The following MEGF8 variants were observed in gnomAD, a reference collection of about 807,000 sequenced individuals.
MEGF8 encodes multiple EGF like domains 8, also known as multiple epidermal growth factor-like domains protein 8.
Under a neutral mutation model 302.9 loss-of-function variants are expected in MEGF8, and 156 were observed. The ratio of observed to expected loss-of-function variants is 0.52; its 90% CI spans 0.45 to 0.59. The LOEUF (loss-of-function observed/expected upper bound fraction) is 0.59, where lower values mean the gene tolerates loss of function less well. Ranked by LOEUF, MEGF8 falls within the 20% of genes least tolerant of loss-of-function variation. The pLI is 0.00. For synonymous variants in MEGF8, 1,621 were observed against 1,660.5 expected (o/e 0.98, Z 0.58); for missense variants, 3,345 against 3,964.5 (o/e 0.84, Z 4.20).
intron 35 of MEGF8, among the ~76,000 whole-genome samples, chr19:42,366,264 G>A (rs950723647): frequency 2.0e-5 from 3 of 152,098 alleles, no homozygotes; most frequent in African/African-American, 7.2e-5. Context: ...GCAGTGGCAT[G>A]ATCTCGGCTC....
At position 42,354,442 on chromosome 19, in the gene MEGF8, A is replaced by T; in HGVS notation, c.4012-146A>T. The stretch of plus-strand genomic sequence containing the variant: ...GGAAGGGGAGTGGTGGCCTTATGCC[A>T]TAGTTTGACAGTCTCCCCTGGATGT... On this transcript the variant is annotated intron_variant, in intron 22 of 41. Transcript: ENST00000251268. The surrounding 1 kb of genome is among the most constrained non-coding windows in gnomAD (Gnocchi z 4.3). 1.1e-6 allele frequency: 1 copy of T among 948,522 alleles called. No homozygotes were observed. The highest frequency in any genetic ancestry group is 1.6e-5 in the South Asian group (1 of 63,162). The allele number at this position is 948,522 out of a possible 1,614,324, so 58.8% of individuals were successfully genotyped here. A position where few individuals can be genotyped will look rare whatever the true frequency, so the allele number is the denominator to read the frequency against.
rs544202578 is a variant in MEGF8, at chr19:42,349,568, C to T, written c.2368C>T (p.Arg790Cys). Residue 790 changes from arginine (R) to cysteine (C), a missense_variant, in exon 14 of 42, where the codon CGC becomes TGC. Transcript: ENST00000251268. ...GCGGCTGCAGCGCCCTGGGTCTGCT[C>T]GCCTCTTCCCTCTGCCTGGGCGGGA... Reference protein sequence around the residue: ...TRRLQRPGSARLFPLPGRDHK... With the variant: ...TRRLQRPGSACLFPLPGRDHK... 2.3e-5 allele frequency: 37 copies of T among 1,611,910 alleles called. No individual in the cohort carries two copies. The highest frequency in any genetic ancestry group is 1.4e-4 in the South Asian group (13 of 91,080).
At position 42,370,222 on chromosome 19, in the gene MEGF8, G is replaced by T; in HGVS notation, c.6868G>T (p.Val2290Leu). 1 of 1,613,734 alleles carries T rather than the reference G, an allele frequency of 6.2e-7. No homozygotes were observed. Among genetic ancestry groups the T allele is most frequent in the African/African-American group, 1.3e-5 (1 of 75,042 alleles). Reference protein sequence around the residue: ...SHCEQCLPLFVGSAVGGGTCR... With the variant: ...SHCEQCLPLFLGSAVGGGTCR... ...CTGTGAGCAGTGCCTCCCGCTGTTTGTGGGTTCAGCTGTCGGAGGCGGGAC... is the reference window on the plus strand; with the variant it reads ...CTGTGAGCAGTGCCTCCCGCTGTTTTTGGGTTCAGCTGTCGGAGGCGGGAC... Residue 2290 changes from valine (V) to leucine (L), a missense_variant, in exon 39 of 42, where the codon GTG (valine) becomes TTG (leucine). Physicochemically the swap from Val to Leu is conservative, Grantham distance 32. Transcript: ENST00000251268.
rs2039677218 is a variant in MEGF8, at chr19:42,370,842, CCGGGGGGGGGGGGGGGGGGG to C, written c.7136+12_7136+31del. On this transcript the variant is annotated intron_variant, in intron 40 of 41. Transcript: ENST00000251268. ...CGGGAAGTGCACCAAGTAAGAGGAA[CCGGGGGGGGGGGGGGGGGGG>C]GGGGGGGGGGAGGCCGGGGATCCCA... The C allele has an allele frequency of 6.7e-5, 8 of 119,570 alleles. No homozygotes were observed. Among genetic ancestry groups the C allele is most frequent in the African/African-American group, 3.2e-4 (2 of 6,238 alleles). The allele number at this position is 119,570 out of a possible 1,614,324, so 7.4% of individuals were successfully genotyped here. A position where few individuals can be genotyped will look rare whatever the true frequency, so the allele number is the denominator to read the frequency against.
At chr19:42,345,339 A>G (rs1051701807) in intron 12 of MEGF8, among the ~76,000 whole-genome samples, 4 of 152,244 alleles carry the variant, frequency 2.6e-5, no homozygotes, top group Admixed American at 1.3e-4. Context: ...CATCAGTGAC[A>G]TTTAGCACAT....
chr19:42,337,217 C>T lies in MEGF8; in HGVS notation c.1513+11C>T. 1.2e-6 allele frequency: 2 copies of T among 1,613,124 alleles called. No individual in the cohort carries two copies. The highest frequency in any genetic ancestry group is 1.1e-5 in the South Asian group (1 of 91,038). The stretch of plus-strand genomic sequence containing the variant: ...CAGGAACCCCTGAGGGTGAGTGGTC[C>T]CTGTTCTTCCCTAGGGGCTCCTGAG... On this transcript the variant is annotated intron_variant, in intron 8 of 41. Transcript: ENST00000251268.
In MEGF8 at chr19:42,376,582, C is replaced by T; in HGVS notation, c.8345C>T (p.Thr2782Ile). ...PTEDGMAGVA[T>I]LLLQLPGGPH... ...GAAGATGGCATGGCTGGCGTGGCCACACTGCTGCTCCAGCTGCCTGGCGGG... is the reference window on the plus strand; with the variant it reads ...GAAGATGGCATGGCTGGCGTGGCCATACTGCTGCTCCAGCTGCCTGGCGGG... The change falls in exon 42 of 42, where the codon ACA becomes ATA. Residue 2782 changes from threonine (T) to isoleucine (I), a missense_variant. Thr to Ile is a moderately conservative substitution (Grantham distance 89, BLOSUM62 -1). Coordinates refer to ENST00000251268, the MANE Select transcript of MEGF8 (RefSeq NM_001271938.2). The surrounding 1 kb of genome is among the most constrained non-coding windows in gnomAD (Gnocchi z 8.2). 1 of 1,551,216 alleles carries T rather than the reference C, an allele frequency of 6.4e-7. No individual in the cohort carries two copies. The highest frequency in any genetic ancestry group is 8.7e-7 in the Non-Finnish European group (1 of 1,150,382).
chr19:42,329,633 G>A (rs1050981194), intron 1 of MEGF8, among the ~76,000 whole-genome samples: 1 of 152,182 alleles, frequency 6.6e-6, no homozygotes, highest in Non-Finnish European at 1.5e-5. Flanking sequence ...AATCTGAGAT[G>A]CAAGGATTAC....
At position 42,369,670 on chromosome 19, in the gene MEGF8, T is replaced by TGGTG. The variant is rs2039658207; in HGVS notation, c.6782_6783insGTGG (p.Cys2261TrpfsTer9). 1 of 1,612,810 alleles carries TGGTG rather than the reference T, an allele frequency of 6.2e-7. No individual in the cohort carries two copies. The highest frequency in any genetic ancestry group is 2.2e-5 in the East Asian group (1 of 44,892). On this transcript the variant is annotated frameshift_variant, in exon 38 of 42. Transcript: ENST00000251268. LOFTEE classifies it high-confidence loss of function. The surrounding 1 kb of genome is among the most constrained non-coding windows in gnomAD (Gnocchi z 5.7). ...ATGCCGCTGCAACCGCCACAGTGAA[T>TGGTG]GCGCTGGTGTTGGGGCGCGTGACCA...
At chr19:42,345,991 C>G (rs923575899) in intron 12 of MEGF8, among the ~76,000 whole-genome samples, 2 of 152,144 alleles carry the variant, frequency 1.3e-5, no homozygotes, top group African/African-American at 4.8e-5. Flanking sequence ...ACCTGCAGCT[C>G]CCGGGTTCAA....
Position 42,348,481 on chromosome 19 carries a change from G to A in MEGF8, c.2298+9G>A, listed in dbSNP as rs771888533. 14 of 1,508,010 alleles carry A rather than the reference G, an allele frequency of 9.3e-6. No homozygotes were observed. Among genetic ancestry groups the A allele is most frequent in the African/African-American group, 4.1e-5 (3 of 72,380 alleles). The allele number at this position is 1,508,010 out of a possible 1,614,324, so 93.4% of individuals were successfully genotyped here. On this transcript the variant is annotated intron_variant, in intron 13 of 41. Coordinates refer to ENST00000251268, the MANE Select transcript of MEGF8 (RefSeq NM_001271938.2). The stretch of plus-strand genomic sequence containing the variant: ...CTGACACGGAGAACATGGTGAGGCC[G>A]CCTGGGACATTCAGGGGGTTGTTTA...
Position 42,368,817 on chromosome 19 carries a change from G to A in MEGF8, c.6482-26G>A, listed in dbSNP as rs775534510. 4.4e-6 allele frequency: 7 copies of A among 1,608,576 alleles called. No individual in the cohort carries two copies. The African/African-American group carries it at 8.0e-5, about 18-fold the overall frequency. Reference sequence around the variant, plus strand: ...TGGGGCAGGTGGTACAGAGGTCCAGGTAAAATGCTATATCCCCGGTGCTAG... The same window carrying A: ...TGGGGCAGGTGGTACAGAGGTCCAGATAAAATGCTATATCCCCGGTGCTAG... On this transcript the variant is annotated intron_variant, in intron 36 of 41. Coordinates refer to ENST00000251268, the MANE Select transcript of MEGF8 (RefSeq NM_001271938.2). This position sits in a 1 kb window ranked among gnomAD's most constrained non-coding sequence, Gnocchi z 4.9.
rs764022580 is a variant in MEGF8 at position 42,358,299 on chromosome 19, G to T, written c.5167G>T (p.Gly1723Trp). Residue 1723 changes from glycine to tryptophan, a missense_variant, in exon 29 of 42, where the codon GGG becomes TGG. Physicochemically the swap from Gly to Trp is radical, Grantham distance 184 (BLOSUM62 -2). Transcript: ENST00000251268. The surrounding 1 kb of genome is among the most constrained non-coding windows in gnomAD (Gnocchi z 4.4). ...CTGGAGTCTGCTGGCCCCTTCTCAGGGGGCAAAGGTCAGGAAAAGAGGCTC... is the reference window on the plus strand; with the variant it reads ...CTGGAGTCTGCTGGCCCCTTCTCAGTGGGCAAAGGTCAGGAAAAGAGGCTC... ...RTWSLLAPSQ[G>W]AKRDRMRNVR... 2 of 1,602,060 alleles carry T rather than the reference G, an allele frequency of 1.2e-6. No individual in the cohort carries two copies. The highest frequency in any genetic ancestry group is 8.5e-7 in the Non-Finnish European group (1 of 1,174,744).
intron 8 of MEGF8, among the ~76,000 whole-genome samples, chr19:42,339,843 G>A (rs1377956476): frequency 6.6e-6 from 1 of 152,170 alleles, no homozygotes. Flanking sequence ...CAGATCATGA[G>A]GTCAGGGGTT....
At position 42,353,333 on chromosome 19, in the gene MEGF8, T is replaced by C. The variant is rs2039403773; in HGVS notation, c.3551-132T>C. 4 of 1,164,636 alleles carry C rather than the reference T, an allele frequency of 3.4e-6. No individual in the cohort carries two copies. The Admixed American group carries it at 7.9e-5, about 23-fold the overall frequency. The allele number at this position is 1,164,636 out of a possible 1,614,324, so 72.1% of individuals were successfully genotyped here. On this transcript the variant is annotated intron_variant, in intron 20 of 41. Coordinates refer to ENST00000251268, the MANE Select transcript of MEGF8 (RefSeq NM_001271938.2). This position sits in a 1 kb window ranked among gnomAD's most constrained non-coding sequence, Gnocchi z 6.1. ...CAGTTCCCCCTCTTGGGACTTGCTGTTTCCCCTGATCTGGGCCTTGGTTTC... is the reference window on the plus strand; with the variant it reads ...CAGTTCCCCCTCTTGGGACTTGCTGCTTCCCCTGATCTGGGCCTTGGTTTC...
At chr19:42,327,526 G>A (rs1270372717) in intron 1 of MEGF8, among the ~76,000 whole-genome samples, 1 of 152,220 alleles carries the variant, frequency 6.6e-6, no homozygotes, top group Non-Finnish European at 1.5e-5. Flanking sequence ...AAAGGCCCCA[G>A]CCCTACCCTT....
intron 5 of MEGF8, 144 bp from the exon 6 acceptor site, chr19:42,335,787 C>A: frequency 1.4e-6 from 1 of 736,776 alleles, no homozygotes; most frequent in Non-Finnish European, 2.1e-6. Context: ...TCTTTTCTCT[C>A]TCTGCCGGTC....
At chr19:42,360,696 C>G in intron 31 of MEGF8, 79 bp from the exon 32 acceptor site, 1 of 1,536,024 alleles carries the variant, frequency 6.5e-7, no homozygotes, top group Non-Finnish European at 8.8e-7. Flanking sequence ...CTGCATCCTT[C>G]TCTGACTGGC....
In MEGF8 at chr19:42,333,607, C is replaced by G. The variant is rs758472569; in HGVS notation, c.190C>G (p.Pro64Ala). The G allele has an allele frequency of 3.1e-6, 5 of 1,613,452 alleles. No homozygotes were observed. In the Admixed American group the frequency reaches 8.3e-5, roughly 27 times the overall value. ...GTCCCTCTGTGCTCACCTCCCAGCC[C>G]CAAGCCCCCAGCACCGGATCCTGCT... is the stretch of plus-strand genomic sequence containing the variant. ...NGNCEWLIEA[P>A]SPQHRILLDF... Residue 64 changes from proline (P) to alanine (A), a missense_variant and splice_region_variant, in exon 2 of 42, where the codon CCA becomes GCA. Transcript: ENST00000251268.
Sources: gnomAD v4.1 joint callset for allele counts (sites outside exome capture counted in the v4.1 genomes callset) on GRCh38, gnomAD v4.1.1 for gene constraint, Gnocchi (gnomAD v3.1) non-coding constraint, MANE v1.5 for transcripts, NCBI Gene and HGNC (gene_info 2026-07-23, HGNC 2026-07-21) for gene names.